The following SCAPER variants were observed in gnomAD, a reference collection of about 807,000 sequenced individuals.
The protein encoded by SCAPER is S phase cyclin A-associated protein in the endoplasmic reticulum.
SCAPER carries 98 observed loss-of-function variants against 182.2 expected under a neutral mutation model. That is an observed-to-expected ratio of 0.54 (90% CI 0.46 to 0.64). The LOEUF (loss-of-function observed/expected upper bound fraction) is 0.64. SCAPER is among the 30% of genes least tolerant of loss of function. The probability of loss-of-function intolerance (pLI) is 0.00; values close to 1 mark genes in which losing one functional copy is unlikely to be tolerated. For missense variants in SCAPER, 1,432 were observed against 1,690.0 expected (o/e 0.85, Z 2.68); for synonymous variants, 605 against 564.6 (o/e 1.07, Z -1.01).
chr15:76,888,178 C>A (rs1401938948), intron 1 of SCAPER, among the ~76,000 whole-genome samples: 3 of 152,166 alleles, frequency 2.0e-5, no homozygotes, highest in African/African-American at 2.4e-5. Context: ...CTGTAGGTCA[C>A]CAACATCAAA....
At chr15:76,708,952 G>T (rs1598294421) in intron 17 of SCAPER, among the ~76,000 whole-genome samples, 1 of 152,072 alleles carries the variant, frequency 6.6e-6, no homozygotes, top group East Asian at 1.9e-4. Context: ...TATCATCCCA[G>T]CTACTTGGCA....
At position 76,521,401 on chromosome 15, in the gene SCAPER, C is replaced by A. The variant is rs200045575; in HGVS notation, c.2839-16427G>T. Reference sequence around the variant, plus strand: ...CCAAATCTAAGGTCAGAAAAAAAAACCCCAAATAATTAGGCTCACGACTGT... The same window carrying A: ...CCAAATCTAAGGTCAGAAAAAAAAAACCCAAATAATTAGGCTCACGACTGT... On this transcript the variant is annotated intron_variant, in intron 23 of 31. Transcript: ENST00000563290. Among the ~76,000 whole-genome samples the A allele has an allele frequency of 1.2e-3, 160 of 129,074 alleles. 1 individual carries two copies. Among genetic ancestry groups the A allele is most frequent in the African/African-American group, 3.4e-3 (121 of 35,330 alleles). 84.7% of individuals were successfully genotyped at this position (129,074 alleles called of 152,430 possible).
At chr15:76,735,603 G>A (rs1450919325) in intron 15 of SCAPER, among the ~76,000 whole-genome samples, 2 of 150,832 alleles carry the variant, frequency 1.3e-5, no homozygotes, top group African/African-American at 2.4e-5. Flanking sequence ...TTTGGAGGCT[G>A]AGGCAGGAGA....
intron 20 of SCAPER, among the ~76,000 whole-genome samples, chr15:76,681,935 C>G (rs1029941637): frequency 1.3e-5 from 2 of 152,162 alleles, no homozygotes; most frequent in African/African-American, 4.8e-5. Flanking sequence ...GATTGTCAGA[C>G]CTGGACAGGG....
At chr15:76,670,763 G>C (rs565161430) in intron 20 of SCAPER, among the ~76,000 whole-genome samples, 37 of 152,258 alleles carry the variant, frequency 2.4e-4, no homozygotes, top group Admixed American at 1.0e-3. Context: ...GACTTAGGAT[G>C]TTTCTTCTGT....
chr15:76,802,655 T>A, intron 6 of SCAPER, among the ~76,000 whole-genome samples: 1 of 152,200 alleles, frequency 6.6e-6, no homozygotes, highest in East Asian at 1.9e-4. Context: ...CCCTTGGAAT[T>A]CCTTTACCCT....
rs1292816209 is a variant in SCAPER at position 76,353,955 on chromosome 15, G to T, written c.4041C>A (p.Phe1347Leu). 1.1e-5 allele frequency: 17 copies of T among 1,566,774 alleles called. 1 individual carries two copies. The highest frequency in any genetic ancestry group is 1.5e-5 in the Non-Finnish European group (17 of 1,162,422). The change falls in exon 30 of 32, where the codon TTC becomes TTA. Residue 1347 changes from phenylalanine to leucine, a missense_variant. This residue lies in a region of SCAPER where 718 missense variants were observed against 799.7 expected (regional missense o/e 0.90). Transcript: ENST00000563290. ...QEMSCVLLAT[F>L]IQDLAQTPGQ... is the part of the protein sequence containing the mutation. ...CGTATAATGTAGAAGGTACCTGAAT[G>T]AAAGTGGCCAGTAAAACACAGCTCA...
In SCAPER at chr15:76,434,100, T is replaced by G; in HGVS notation, c.3289A>C (p.Asn1097His). The change falls in exon 26 of 32, where the codon AAT (asparagine) becomes CAT (histidine). Residue 1097 changes from asparagine (N) to histidine (H), a missense_variant. Around this residue, in one of 5 missense-constraint regions of SCAPER, gnomAD observed 718 missense variants for 799.7 expected, o/e 0.90. Transcript: ENST00000563290. ...TACCTGATAAGGTCCTGAACTCGAT[T>G]GTTAAAAGGATCACCTTGTGAGGGT... Reference protein sequence around the residue: ...NKPSQGDPFNNRVQDLISYVV... With the variant: ...NKPSQGDPFNHRVQDLISYVV... The G allele has an allele frequency of 6.2e-7, 1 of 1,613,884 alleles. No homozygotes were observed. Among genetic ancestry groups the G allele is most frequent in the South Asian group, 1.1e-5 (1 of 91,058 alleles).
At chr15:76,784,138 TC>T (rs1214666242) in intron 8 of SCAPER, among the ~76,000 whole-genome samples, 3 of 152,168 alleles carry the variant, frequency 2.0e-5, no homozygotes, top group African/African-American at 7.2e-5. Context: ...AAAAAACCCA[TC>T]GTCTCTGCCC....
intron 18 of SCAPER, 119 bp from the exon 19 acceptor site, chr15:76,703,121 T>C: frequency 9.2e-7 from 1 of 1,089,456 alleles, no homozygotes; most frequent in Non-Finnish European, 1.3e-6. Flanking sequence ...CTATGACAAC[T>C]TACACACTGA....
At chr15:76,774,258 C>T (rs968482318) in intron 9 of SCAPER, 54 of 246,998 alleles carry the variant, frequency 2.2e-4, no homozygotes, top group African/African-American at 1.2e-3. Context: ...GGACAAAGGA[C>T]AATGTACAAA....
At chr15:76,620,017 A>G (rs2051873768) in intron 22 of SCAPER, among the ~76,000 whole-genome samples, 1 of 152,216 alleles carries the variant, frequency 6.6e-6, no homozygotes, top group African/African-American at 2.4e-5. Flanking sequence ...CAGAGGTTGC[A>G]GTGAGCCTAG....
chr15:76,903,425 G>A (rs1003538751), intron 1 of SCAPER, among the ~76,000 whole-genome samples: 1 of 152,144 alleles, frequency 6.6e-6, no homozygotes, highest in Non-Finnish European at 1.5e-5. Context: ...TCAGGAGGTG[G>A]GGCCTTTGGG....
chr15:76,645,048 A>AT (rs1251873811), intron 21 of SCAPER, among the ~76,000 whole-genome samples: 1 of 151,974 alleles, frequency 6.6e-6, no homozygotes, highest in African/African-American at 2.4e-5. Flanking sequence ...AAACATACAT[A>AT]TTTTTTCCTT....
At chr15:76,668,692 T>C (rs1287294308) in intron 20 of SCAPER, among the ~76,000 whole-genome samples, 3 of 152,234 alleles carry the variant, frequency 2.0e-5, no homozygotes, top group Non-Finnish European at 4.4e-5. Flanking sequence ...TACATAATCA[T>C]TTTCAATTTC....
At chr15:76,490,160 C>T (rs1482130098) in intron 24 of SCAPER, among the ~76,000 whole-genome samples, 2 of 152,090 alleles carry the variant, frequency 1.3e-5, no homozygotes, top group Admixed American at 6.5e-5. Flanking sequence ...GGATAAATAA[C>T]CAGAAATGAG....
At chr15:76,877,760 T>C (rs1595881837) in intron 2 of SCAPER, among the ~76,000 whole-genome samples, 1 of 152,186 alleles carries the variant, frequency 6.6e-6, no homozygotes, top group East Asian at 1.9e-4. Flanking sequence ...GCTGAAGAAC[T>C]GTTCCAGATT....
intron 21 of SCAPER, among the ~76,000 whole-genome samples, chr15:76,654,391 G>C (rs1347686051): frequency 6.6e-6 from 1 of 152,130 alleles, no homozygotes; most frequent in Admixed American, 6.5e-5. Flanking sequence ...CTGGGTGACA[G>C]AGCGAGACTC....
intron 23 of SCAPER, among the ~76,000 whole-genome samples, chr15:76,535,521 CAAAAAAAAAAAAAA>C (rs56660301): frequency 4.3e-5 from 2 of 46,638 alleles, no homozygotes; most frequent in African/African-American, 1.3e-4. Context: ...GACTCTGTCT[CAAAAAAAAAAAAAA>C]AAAAAAAAAA....
Sources: allele counts gnomAD v4.1 joint callset (sites outside exome capture counted in the v4.1 genomes callset), GRCh38; gene constraint gnomAD v4.1.1; regional missense constraint gnomAD v4.1.1; transcripts MANE v1.5; gene names NCBI Gene and HGNC (gene_info 2026-07-23, HGNC 2026-07-21).